SGCZ: variants seen among roughly 807,000 people sequenced by gnomAD.
The protein encoded by SGCZ is zeta-sarcoglycan.
SGCZ carries 40 observed loss-of-function variants against 41.3 expected under a neutral mutation model. The ratio of observed to expected loss-of-function variants is 0.97; its 90% confidence interval spans 0.75 to 1.26. SGCZ has a LOEUF of 1.26. Among genes scored for constraint, SGCZ ranks in the 50% most tolerant of loss-of-function variants. The probability of loss-of-function intolerance (pLI) is 0.00; values close to 1 mark genes in which losing one functional copy is unlikely to be tolerated. For missense variants in SGCZ, 552 were observed against 369.8 expected (o/e 1.49, Z -4.04); for synonymous variants, 206 against 137.5 (o/e 1.50, Z -3.49).
chr8:14,943,097 A>G (rs1434071810), intron 1 of SGCZ, among the ~76,000 whole-genome samples: 1 of 152,174 alleles, frequency 6.6e-6, no homozygotes, highest in African/African-American at 2.4e-5. Flanking sequence ...AACTCACAGA[A>G]TATACAAAAA....
chr8:14,843,071 G>T (rs938953898), intron 1 of SGCZ, among the ~76,000 whole-genome samples: 2 of 152,184 alleles, frequency 1.3e-5, no homozygotes, highest in African/African-American at 4.8e-5. Flanking sequence ...AATTAGCTGG[G>T]TGTGGTGGCA....
intron 1 of SGCZ, among the ~76,000 whole-genome samples, chr8:14,555,479 T>C (rs1804007333): frequency 6.6e-6 from 1 of 152,018 alleles, no homozygotes; most frequent in Non-Finnish European, 1.5e-5. Flanking sequence ...CGTGTCTGTT[T>C]CCCCTTTGCC....
At chr8:14,651,906 A>G (rs1411371191) in intron 1 of SGCZ, among the ~76,000 whole-genome samples, 4 of 151,884 alleles carry the variant, frequency 2.6e-5, no homozygotes, top group African/African-American at 9.7e-5. Flanking sequence ...TTCTGGGGGA[A>G]AAAAAGTATA....
intron 4 of SGCZ, among the ~76,000 whole-genome samples, chr8:14,216,849 T>G (rs1400985684): frequency 6.6e-6 from 1 of 152,160 alleles, no homozygotes; most frequent in Non-Finnish European, 1.5e-5. Context: ...ATGTAAGTCC[T>G]AACATTGTAT....
chr8:14,218,672 A>G (rs977373362), intron 4 of SGCZ, among the ~76,000 whole-genome samples: 6 of 152,038 alleles, frequency 3.9e-5, no homozygotes, highest in Non-Finnish European at 7.4e-5. Flanking sequence ...TTTATTTTAT[A>G]TTTATTTTAG....
chr8:15,231,409 T>C (rs1801934368), intron 1 of SGCZ, among the ~76,000 whole-genome samples: 1 of 152,056 alleles, frequency 6.6e-6, no homozygotes, highest in African/African-American at 2.4e-5. Context: ...CAAGGCAATT[T>C]GGAACAATTT....
intron 5 of SGCZ, among the ~76,000 whole-genome samples, chr8:14,127,490 G>C (rs1029336949): frequency 6.6e-6 from 1 of 151,842 alleles, no homozygotes; most frequent in Admixed American, 6.6e-5. Context: ...GAGTCTCACT[G>C]TGTCACCCAG....
chr8:14,561,492 A>C (rs755092358), intron 1 of SGCZ, among the ~76,000 whole-genome samples: 1 of 152,228 alleles, frequency 6.6e-6, no homozygotes, highest in Non-Finnish European at 1.5e-5. Flanking sequence ...AATGCCCTCA[A>C]AATCTGTTTG....
At chr8:14,436,073 C>T (rs1045783334) in intron 2 of SGCZ, among the ~76,000 whole-genome samples, 1 of 152,104 alleles carries the variant, frequency 6.6e-6, no homozygotes, top group Non-Finnish European at 1.5e-5. Flanking sequence ...AGAGATGTGG[C>T]GTTGGATAGA....
chr8:14,111,465 T>C (rs1222919100), intron 5 of SGCZ, among the ~76,000 whole-genome samples: 1 of 144,092 alleles, frequency 6.9e-6, no homozygotes, highest in Non-Finnish European at 1.5e-5. Flanking sequence ...AGGATAGACA[T>C]AAAAAGGACA....
At chr8:14,575,329 T>C (rs949804786) in intron 1 of SGCZ, among the ~76,000 whole-genome samples, 1 of 152,176 alleles carries the variant, frequency 6.6e-6, no homozygotes, top group Admixed American at 6.5e-5. Context: ...TAGCAAGTGA[T>C]GGGAAAATAC....
chr8:15,220,919 AACCAAAC>A (rs1801576025), intron 1 of SGCZ, among the ~76,000 whole-genome samples: 2 of 152,176 alleles, frequency 1.3e-5, no homozygotes, highest in African/African-American at 4.8e-5. Flanking sequence ...AAGTACAGAA[AACCAAAC>A]ACCACACGTT....
intron 5 of SGCZ, among the ~76,000 whole-genome samples, chr8:14,163,849 A>G (rs1022741206): frequency 6.6e-6 from 1 of 152,102 alleles, no homozygotes; most frequent in Non-Finnish European, 1.5e-5. Flanking sequence ...AGTCAAATAT[A>G]CTTTATTATT....
intron 1 of SGCZ, among the ~76,000 whole-genome samples, chr8:15,150,937 C>T (rs1030328516): frequency 4.6e-5 from 7 of 152,190 alleles, no homozygotes. Flanking sequence ...TCATTCTCCT[C>T]TAGTGTGGAC....
At chr8:14,479,342 A>C (rs1296856512) in intron 2 of SGCZ, among the ~76,000 whole-genome samples, 1 of 152,166 alleles carries the variant, frequency 6.6e-6, no homozygotes, top group African/African-American at 2.4e-5. Context: ...CCGGAGACTC[A>C]GCGAGTCTCG....
At chr8:14,574,348 G>T (rs62498436) in intron 1 of SGCZ, among the ~76,000 whole-genome samples, 2 of 149,858 alleles carry the variant, frequency 1.3e-5, no homozygotes, top group Non-Finnish European at 3.0e-5. Context: ...CCTCAAAGTG[G>T]TTCATAGAAA....
intron 1 of SGCZ, among the ~76,000 whole-genome samples, chr8:14,920,434 T>C (rs1429342081): frequency 6.6e-6 from 1 of 152,148 alleles, no homozygotes; most frequent in African/African-American, 2.4e-5. Context: ...AAAGACTGCA[T>C]TTAAAGGGAC....
intron 1 of SGCZ, among the ~76,000 whole-genome samples, chr8:14,981,678 G>A (rs918251166): frequency 6.6e-6 from 1 of 152,156 alleles, no homozygotes; most frequent in Non-Finnish European, 1.5e-5. Flanking sequence ...CAATGTACAT[G>A]ATTCTATGAA....
intron 4 of SGCZ, among the ~76,000 whole-genome samples, chr8:14,197,020 A>G (rs1563180004): frequency 6.6e-6 from 1 of 152,156 alleles, no homozygotes; most frequent in African/African-American, 2.4e-5. Flanking sequence ...ATGATTCAAA[A>G]TTGGATTGTG....
Sources: allele counts gnomAD v4.1 joint callset (sites outside exome capture counted in the v4.1 genomes callset), GRCh38; gene constraint gnomAD v4.1.1; transcripts MANE v1.5; gene names NCBI Gene and HGNC (gene_info 2026-07-23, HGNC 2026-07-21).